Variants in ATCAY observed in about 807,000 individuals in gnomAD.
ATCAY encodes the protein caytaxin.
A neutral mutation model predicts 47.7 loss-of-function variants in ATCAY; 22 were observed. The ratio of observed to expected loss-of-function variants is 0.46; its 90% CI spans 0.33 to 0.66. The LOEUF is 0.66. Among genes scored for constraint, ATCAY ranks in the 30% least tolerant of loss-of-function variants. The pLI, the probability that ATCAY is intolerant of heterozygous loss-of-function variation, is 0.02. For synonymous variants in ATCAY, 216 were observed against 207.6 expected (o/e 1.04, Z -0.35); for missense variants, 452 against 515.0 (o/e 0.88, Z 1.18).
At chr19:3,924,449 C>T (rs1194930804) in intron 12 of ATCAY, 134 bp from the exon 13 acceptor site, 2 of 1,051,914 alleles carry the variant, frequency 1.9e-6, no homozygotes, top group Non-Finnish European at 2.9e-6. Context: ...CCCTGAAGGG[C>T]ATGTGCCACT....
chr19:3,906,233 G>A (rs2038859730), intron 4 of ATCAY, among the ~76,000 whole-genome samples: 1 of 151,274 alleles, frequency 6.6e-6, no homozygotes, highest in Admixed American at 6.6e-5. Context: ...TTAGACAGAA[G>A]GAATAAGTTC....
Position 3,907,670 on chromosome 19 carries a change from G to A in ATCAY, c.359-64G>A. On this transcript the variant is annotated intron_variant, in intron 4 of 12. Transcript: ENST00000450849. This position sits in a 1 kb window ranked among gnomAD's most constrained non-coding sequence, Gnocchi z 5.1. ...GAGGTGGGAGAGGGGAAGGAAGGCTGAGCAGGAGGGCAGGAGATATCCGGA... is the reference window on the plus strand; with the variant it reads ...GAGGTGGGAGAGGGGAAGGAAGGCTAAGCAGGAGGGCAGGAGATATCCGGA... 6.3e-7 allele frequency: 1 copy of A among 1,587,060 alleles called. No individual in the cohort carries two copies. The highest frequency in any genetic ancestry group is 2.2e-5 in the East Asian group (1 of 44,452).
chr19:3,909,541 C>T lies in ATCAY; in HGVS notation c.703C>T (p.Leu235=). 1 of 1,613,856 alleles carries T rather than the reference C, an allele frequency of 6.2e-7. No individual in the cohort carries two copies. The highest frequency in any genetic ancestry group is 1.1e-5 in the South Asian group (1 of 91,076). Reference sequence around the variant, plus strand: ...GGCTGAGGACTACATGATCGTGTACCTGAACGGTGCCACGCCCCGGCGGAG... The same window carrying T: ...GGCTGAGGACTACATGATCGTGTACTTGAACGGTGCCACGCCCCGGCGGAG... The part of the protein sequence containing the change: ...LVAEDYMIVY[L]NGATPRRRMP... Residue 235 remains leucine, a synonymous_variant, in exon 7 of 13, where the codon CTG becomes TTG. Coordinates refer to ENST00000450849, the MANE Select transcript of ATCAY (RefSeq NM_033064.5).
At position 3,910,839 on chromosome 19, in the gene ATCAY, C is replaced by T. The variant is rs1306371727; in HGVS notation, c.816C>T (p.His272=). 1 of 1,614,038 alleles carries T rather than the reference C, an allele frequency of 6.2e-7. No individual in the cohort carries two copies. The highest frequency in any genetic ancestry group is 1.7e-5 in the Admixed American group (1 of 60,014). The change falls in exon 8 of 13, where the codon CAC becomes CAT. Residue 272 remains histidine, a synonymous_variant. Transcript: ENST00000450849. ...RKNLKSLIIV[H]PSWFIRTVLA... Reference sequence around the variant, plus strand: ...ACCTGAAGTCCTTGATCATCGTCCACCCCTCGTGGTTCATTCGGACTGTGC... The same window carrying T: ...ACCTGAAGTCCTTGATCATCGTCCATCCCTCGTGGTTCATTCGGACTGTGC...
intron 3 of ATCAY, among the ~76,000 whole-genome samples, chr19:3,903,310 A>C (rs778852736): frequency 6.6e-6 from 1 of 151,862 alleles, no homozygotes; most frequent in African/African-American, 2.4e-5. Flanking sequence ...ATCATAATGT[A>C]TCAGGCTCTG....
At chr19:3,915,512 C>T (rs1257463015) in intron 9 of ATCAY, among the ~76,000 whole-genome samples, 3 of 147,178 alleles carry the variant, frequency 2.0e-5, no homozygotes, top group African/African-American at 5.0e-5. Flanking sequence ...AAAGCACATT[C>T]GCATATTTGT....
chr19:3,896,760 C>G (rs1012260774), intron 2 of ATCAY, among the ~76,000 whole-genome samples: 22 of 151,944 alleles, frequency 1.4e-4, no homozygotes, highest in Non-Finnish European at 2.9e-5. Flanking sequence ...GACAGGGACC[C>G]TGGCTGGGCA....
rs1172509008 is a variant in ATCAY, at chr19:3,922,165, G to T, written c.1106+1367G>T. 7.1e-6 allele frequency: 5 copies of T among 702,330 alleles called. No homozygotes were observed. In the South Asian group the frequency reaches 7.4e-5, roughly 10 times the overall value. 43.5% of individuals were successfully genotyped at this position (702,330 alleles called of 1,614,324 possible). On this transcript the variant is annotated intron_variant, in intron 12 of 12. Coordinates refer to ENST00000450849, the MANE Select transcript of ATCAY (RefSeq NM_033064.5). ...TCTGCATGGCTTTTCTTAGCCTCCA[G>T]CCCCTGCACAGATCAAGCTGATGCC...
chr19:3,881,836 G>A (rs1476974676), intron 1 of ATCAY, among the ~76,000 whole-genome samples: 1 of 151,038 alleles, frequency 6.6e-6, no homozygotes, highest in African/African-American at 2.4e-5. Flanking sequence ...ACTTACCCTC[G>A]CGGGAAGGGC....
rs1193198381 is a variant in ATCAY, at chr19:3,915,798, G to A, written c.965+1942G>A. Among the ~76,000 whole-genome samples, 16 of 135,544 alleles carry A rather than the reference G, an allele frequency of 1.2e-4. No individual in the cohort carries two copies. In the South Asian group the frequency reaches 1.7e-3, roughly 14 times the overall value. The allele number at this position is 135,544 out of a possible 152,430, so 88.9% of individuals were successfully genotyped here. On this transcript the variant is annotated intron_variant, in intron 9 of 12. Transcript: ENST00000450849. ...TCGAACTCCCGACCTCAGGTGATCC[G>A]CCCACCTCAGCCTCCCAAAGTGCTG...
chr19:3,917,575 A>C, intron 9 of ATCAY, among the ~76,000 whole-genome samples, 167 bp from the exon 10 acceptor site: 1 of 119,820 alleles, frequency 8.3e-6, no homozygotes, highest in Admixed American at 9.7e-5. Context: ...ACAGTGCAAG[A>C]CTCCATCTCA....
chr19:3,902,258 G>C (rs957249456), intron 2 of ATCAY, among the ~76,000 whole-genome samples: 4 of 151,792 alleles, frequency 2.6e-5, no homozygotes, highest in African/African-American at 9.7e-5. Flanking sequence ...GGAGGTTGAG[G>C]CTGCAGTGAG....
At chr19:3,923,025 G>A (rs926549963) in intron 12 of ATCAY, among the ~76,000 whole-genome samples, 11 of 152,212 alleles carry the variant, frequency 7.2e-5, no homozygotes, top group African/African-American at 2.2e-4. Flanking sequence ...GATTACAGGC[G>A]TGAGCCACCA....
At chr19:3,919,553 C>T (rs2038998282) in intron 11 of ATCAY, among the ~76,000 whole-genome samples, 2 of 152,050 alleles carry the variant, frequency 1.3e-5, no homozygotes, top group African/African-American at 2.4e-5. Flanking sequence ...GATCAGACCA[C>T]TGCACTCCAG....
chr19:3,890,890 C>G (rs1304388684), intron 2 of ATCAY, among the ~76,000 whole-genome samples: 4 of 152,142 alleles, frequency 2.6e-5, no homozygotes, highest in Non-Finnish European at 5.9e-5. Flanking sequence ...CGGTGCAGGT[C>G]CAGCTGCGGC....
chr19:3,912,375 G>A (rs985851028), intron 8 of ATCAY, among the ~76,000 whole-genome samples: 23 of 151,518 alleles, frequency 1.5e-4, no homozygotes, highest in African/African-American at 4.6e-4. Flanking sequence ...GTGCAGTGGC[G>A]CGATCTCAGC....
At chr19:3,911,938 C>T (rs957346035) in intron 8 of ATCAY, among the ~76,000 whole-genome samples, 1 of 151,984 alleles carries the variant, frequency 6.6e-6, no homozygotes, top group African/African-American at 2.4e-5. Flanking sequence ...TGCATATTAG[C>T]GAAATGAGAT....
intron 8 of ATCAY, 45 bp downstream of exon 8, chr19:3,910,934 C>T: frequency 6.3e-7 from 1 of 1,581,842 alleles, no homozygotes; most frequent in Non-Finnish European, 8.7e-7. Context: ...CCTCAGTGTG[C>T]GTGTGTGCGT....
chr19:3,903,789 T>C, intron 3 of ATCAY, among the ~76,000 whole-genome samples: 1 of 150,896 alleles, frequency 6.6e-6, no homozygotes, highest in Non-Finnish European at 1.5e-5. Flanking sequence ...CCTCCCAAAG[T>C]GTTGGGATTA....
Sources: allele counts gnomAD v4.1 joint callset (sites outside exome capture counted in the v4.1 genomes callset), GRCh38; gene constraint gnomAD v4.1.1; non-coding constraint Gnocchi (gnomAD v3.1); transcripts MANE v1.5; gene names NCBI Gene and HGNC (gene_info 2026-07-23, HGNC 2026-07-21).